Variants in PLGRKT observed in about 807,000 individuals in gnomAD.
PLGRKT encodes the protein plasminogen receptor with a C-terminal lysine, also known as plasminogen receptor (KT).
Under a neutral mutation model 18.5 loss-of-function variants are expected in PLGRKT, and 22 were observed. The ratio of observed to expected loss-of-function variants is 1.19; its 90% CI spans 0.85 to 1.70. The LOEUF (loss-of-function observed/expected upper bound fraction) is 1.70. Among genes scored for constraint, PLGRKT ranks in the 40% most tolerant of loss-of-function variants. PLGRKT has a pLI of 0.00. For synonymous variants in PLGRKT, 72 were observed against 52.8 expected (o/e 1.36, Z -1.58); for missense variants, 235 against 174.4 (o/e 1.35, Z -1.96).
At chr9:5,380,003 A>C (rs1817707470) in intron 3 of PLGRKT, among the ~76,000 whole-genome samples, 1 of 152,246 alleles carries the variant, frequency 6.6e-6, no homozygotes, top group South Asian at 2.1e-4. Flanking sequence ...GGACCAATTA[A>C]ATGTCTACCA....
intron 5 of PLGRKT, among the ~76,000 whole-genome samples, chr9:5,360,562 C>A (rs929690449): frequency 1.1e-4 from 17 of 152,286 alleles, no homozygotes; most frequent in South Asian, 1.0e-3. Context: ...TTGGCAACAA[C>A]AGATTTCCAT....
chr9:5,384,298 G>A (rs564193341), intron 3 of PLGRKT, among the ~76,000 whole-genome samples: 1 of 152,198 alleles, frequency 6.6e-6, no homozygotes, highest in Non-Finnish European at 1.5e-5. Flanking sequence ...GATCAGAACA[G>A]AACAAGACAG....
intron 3 of PLGRKT, among the ~76,000 whole-genome samples, chr9:5,389,842 C>G (rs549835101): frequency 6.6e-6 from 1 of 151,860 alleles, no homozygotes. Flanking sequence ...GTATGTGAAA[C>G]GGACCTTCAT....
intron 3 of PLGRKT, among the ~76,000 whole-genome samples, chr9:5,427,403 GA>G (rs1318800125): frequency 6.6e-6 from 1 of 151,788 alleles, no homozygotes; most frequent in Non-Finnish European, 1.5e-5. Flanking sequence ...TGAAAGAGTG[GA>G]AGTTCTCAAT....
At chr9:5,390,220 T>C (rs1054560446) in intron 3 of PLGRKT, among the ~76,000 whole-genome samples, 2 of 88,068 alleles carry the variant, frequency 2.3e-5, no homozygotes, top group African/African-American at 3.3e-5. Flanking sequence ...TGTGTGCGTG[T>C]GTGTGTGTGT....
chr9:5,378,167 C>T (rs554097897), intron 3 of PLGRKT, among the ~76,000 whole-genome samples: 2 of 152,136 alleles, frequency 1.3e-5, no homozygotes, highest in East Asian at 1.9e-4. Context: ...GGCTACCAGA[C>T]ATTTGAGGGA....
At chr9:5,422,200 G>T (rs561373913) in intron 3 of PLGRKT, among the ~76,000 whole-genome samples, 7 of 152,140 alleles carry the variant, frequency 4.6e-5, no homozygotes, top group African/African-American at 7.2e-5. Context: ...TGGTAAGGCC[G>T]GCCGATCACA....
At chr9:5,404,298 CA>C (rs1380193228) in intron 3 of PLGRKT, among the ~76,000 whole-genome samples, 3 of 152,184 alleles carry the variant, frequency 2.0e-5, no homozygotes, top group Non-Finnish European at 4.4e-5. Context: ...ATCCCGATAC[CA>C]AAACCTGGCA....
intron 3 of PLGRKT, among the ~76,000 whole-genome samples, chr9:5,379,954 T>A (rs1817705809): frequency 6.6e-6 from 1 of 152,206 alleles, no homozygotes; most frequent in Non-Finnish European, 1.5e-5. Flanking sequence ...CATACAAGAC[T>A]ATTCAATATA....
At chr9:5,367,007 A>G (rs1049779341) in intron 3 of PLGRKT, among the ~76,000 whole-genome samples, 2 of 140,354 alleles carry the variant, frequency 1.4e-5, no homozygotes, top group East Asian at 4.2e-4. Flanking sequence ...CCCATTTACA[A>G]CAGACAGACA....
At chr9:5,422,482 G>C (rs866440247) in intron 3 of PLGRKT, among the ~76,000 whole-genome samples, 1 of 151,992 alleles carries the variant, frequency 6.6e-6, no homozygotes, top group Non-Finnish European at 1.5e-5. Context: ...CAGATGAGCT[G>C]GTTTCTTCAA....
chr9:5,408,411 G>A (rs73397132), intron 3 of PLGRKT, among the ~76,000 whole-genome samples: 27 of 152,298 alleles, frequency 1.8e-4, no homozygotes, highest in African/African-American at 2.6e-4. Context: ...AGGGATATGC[G>A]CAACTTCGAG....
chr9:5,428,023 G>A (rs1468783503), intron 3 of PLGRKT, among the ~76,000 whole-genome samples: 1 of 152,148 alleles, frequency 6.6e-6, no homozygotes, highest in Non-Finnish European at 1.5e-5. Context: ...GGTGGGAGAA[G>A]GGAGGATGTT....
At chr9:5,414,870 A>G (rs1426225878) in intron 3 of PLGRKT, among the ~76,000 whole-genome samples, 2 of 152,262 alleles carry the variant, frequency 1.3e-5, no homozygotes, top group African/African-American at 4.8e-5. Flanking sequence ...AATGTGTCAC[A>G]CTGGATTGGA....
chr9:5,437,182 T>A (rs532619558), intron 1 of PLGRKT, among the ~76,000 whole-genome samples: 2 of 152,264 alleles, frequency 1.3e-5, no homozygotes, highest in Admixed American at 1.3e-4. Context: ...GGAGAAGTGG[T>A]GCCTGCAAGT....
Position 5,410,769 on chromosome 9 carries a change from C to A in PLGRKT, c.81+21128G>T, listed in dbSNP as rs1042571277. Among the ~76,000 whole-genome samples, 3 of 152,178 alleles carry A rather than the reference C, an allele frequency of 2.0e-5. No homozygotes were observed. The East Asian group carries it at 5.8e-4, about 29-fold the overall frequency. On this transcript the variant is annotated intron_variant, in intron 3 of 5. Transcript: ENST00000223864. ...TTTCACTTCTAGTACAGGTTTATGG[C>A]CTGTACCACAGAGAAAGATTAGAAA... is the stretch of plus-strand genomic sequence containing the variant.
chr9:5,389,843 G>A (rs767276501), intron 3 of PLGRKT, among the ~76,000 whole-genome samples: 2 of 151,940 alleles, frequency 1.3e-5, no homozygotes, highest in Middle Eastern at 3.4e-3. Flanking sequence ...TATGTGAAAC[G>A]GACCTTCATT....
At chr9:5,363,471 T>C (rs1292478370) in intron 3 of PLGRKT, among the ~76,000 whole-genome samples, 1 of 152,040 alleles carries the variant, frequency 6.6e-6, no homozygotes, top group Non-Finnish European at 1.5e-5. Context: ...CTACCTTCTC[T>C]GGCCCTCTCC....
chr9:5,407,542 T>C (rs1161741847), intron 3 of PLGRKT, among the ~76,000 whole-genome samples: 2 of 152,164 alleles, frequency 1.3e-5, no homozygotes, highest in African/African-American at 4.8e-5. Context: ...TTAAAAAGTG[T>C]TGAGTAAATA....
Sources: allele counts gnomAD v4.1 joint callset (sites outside exome capture counted in the v4.1 genomes callset), GRCh38; gene constraint gnomAD v4.1.1; transcripts MANE v1.5; gene names NCBI Gene and HGNC (gene_info 2026-07-23, HGNC 2026-07-21).